PCSK9: variants seen among roughly 807,000 people sequenced by gnomAD.
The protein encoded by PCSK9 is proprotein convertase subtilisin/kexin type 9, also known as convertase subtilisin/kexin type 9 preproprotein.
Under a neutral mutation model 62.1 loss-of-function variants are expected in PCSK9, and 57 were observed. The observed-to-expected ratio is 0.92, with a 90% CI of 0.74 to 1.14. PCSK9 has a LOEUF of 1.14. PCSK9 is among the 50% of genes most tolerant of loss of function. PCSK9 has a pLI of 0.00. For synonymous variants in PCSK9, 387 were observed against 409.4 expected (o/e 0.95, Z 0.66); for missense variants, 870 against 959.8 (o/e 0.91, Z 1.24).
At chr1:55,047,239 C>T (rs1444653837) in intron 3 of PCSK9, among the ~76,000 whole-genome samples, 1 of 152,206 alleles carries the variant, frequency 6.6e-6, no homozygotes, top group Non-Finnish European at 1.5e-5. Context: ...GGTCTGCATT[C>T]TAGCAGGGAC....
At chr1:55,045,678 G>A (rs563099655) in intron 2 of PCSK9, among the ~76,000 whole-genome samples, 1 of 151,560 alleles carries the variant, frequency 6.6e-6, no homozygotes, top group African/African-American at 2.4e-5. Context: ...AGGTAGGGAG[G>A]GAGTGGGGCA....
chr1:55,056,314 C>T (rs999745532), intron 6 of PCSK9, 125 bp downstream of exon 6: 2 of 1,117,056 alleles, frequency 1.8e-6, no homozygotes, highest in East Asian at 2.9e-5. Flanking sequence ...TCCTGGAGGC[C>T]GAACCCTTCT....
chr1:55,064,227 A>G lies in PCSK9; in HGVS notation c.*643A>G, dbSNP rs1644784485. The G allele has an allele frequency of 6.5e-6, 1 of 153,230 alleles. No homozygotes were observed. Among genetic ancestry groups the G allele is most frequent in the Non-Finnish European group, 1.5e-5 (1 of 68,816 alleles). The allele number at this position is 153,230 out of a possible 1,614,324, so 9.5% of individuals were successfully genotyped here. On this transcript the variant is annotated 3_prime_UTR_variant, in exon 12 of 12. Coordinates refer to ENST00000302118, the MANE Select transcript of PCSK9 (RefSeq NM_174936.4). ...ACTCTGCTCTATGCCAGGCTGTGCT[A>G]GCAACACCCAAAGGTGGCCTGCGGG...
rs949287361 is a variant in PCSK9, at chr1:55,040,828, C to T, written c.207+784C>T. On this transcript the variant is annotated intron_variant, in intron 1 of 11. Coordinates refer to ENST00000302118, the MANE Select transcript of PCSK9 (RefSeq NM_174936.4). The surrounding 1 kb of genome is among the most constrained non-coding windows in gnomAD (Gnocchi z 4.1). ...TCAGCCCACCTGGCTGTCTGCCGAC[C>T]GTGTGCGGGGCGAGTTTGCTCAACA... Among the ~76,000 whole-genome samples the T allele has an allele frequency of 8.5e-5, 13 of 152,204 alleles. No individual in the cohort carries two copies. The highest frequency in any genetic ancestry group is 1.8e-4 in the Non-Finnish European group (12 of 68,036).
intron 4 of PCSK9, 91 bp downstream of exon 4, chr1:55,052,502 G>T (rs886039845): frequency 6.4e-7 from 1 of 1,573,922 alleles, no homozygotes; most frequent in African/African-American, 1.4e-5. Flanking sequence ...CGTTGCAGCT[G>T]TACTCCTGGG....
Position 55,064,087 on chromosome 1 carries a change from T to TG in PCSK9, c.*508dup. The TG allele has an allele frequency of 6.4e-6, 1 of 157,244 alleles. No individual in the cohort carries two copies. Among genetic ancestry groups the TG allele is most frequent in the South Asian group, 2.0e-4 (1 of 5,090 alleles). The allele number at this position is 157,244 out of a possible 1,614,324, so 9.7% of individuals were successfully genotyped here. A position where few individuals can be genotyped will look rare whatever the true frequency, so the allele number is the denominator to read the frequency against. On this transcript the variant is annotated 3_prime_UTR_variant, in exon 12 of 12. Coordinates refer to ENST00000302118, the MANE Select transcript of PCSK9 (RefSeq NM_174936.4). ...CTCCAGCTAACTGTGGAGAAGCCCC[T>TG]GGGGGCTCCCTGATTAATGGAGGCT...
intron 11 of PCSK9, among the ~76,000 whole-genome samples, chr1:55,062,957 A>C (rs1644773277): frequency 6.6e-6 from 1 of 151,884 alleles, no homozygotes; most frequent in Non-Finnish European, 1.5e-5. Flanking sequence ...CTGGAGTCTG[A>C]AGGGAGCCTG....
chr1:55,058,666 C>CGTGTGTGT lies in PCSK9; in HGVS notation c.1503+64_1503+71dup, dbSNP rs35115360. The CGTGTGTGT allele has an allele frequency of 4.2e-4, 649 of 1,534,922 alleles. 1 individual carries two copies. Among genetic ancestry groups the CGTGTGTGT allele is most frequent in the Admixed American group, 5.0e-4 (27 of 54,146 alleles). On this transcript the variant is annotated intron_variant, in intron 9 of 11. Transcript: ENST00000302118. ...CATGGAGGTGACTGTACCCCTCCTT[C>CGTGTGTGT]GTGTGTGTGTGTGTGTGTGTGTGTG...
intron 9 of PCSK9, 50 bp downstream of exon 9, chr1:55,058,697 G>GTGTGTGTGTGTGTGTA (rs780748579): frequency 5.2e-6 from 8 of 1,551,190 alleles, no homozygotes; most frequent in South Asian, 1.2e-5. Flanking sequence ...GTGTGTGTGT[G>GTGTGTGTGTGTGTGTA]TGTGTGTGTG....
chr1:55,057,654 A>C, intron 7 of PCSK9, 140 bp downstream of exon 7: 2 of 1,100,354 alleles, frequency 1.8e-6, no homozygotes, highest in Non-Finnish European at 2.7e-6. Context: ...CTTCAAGGAC[A>C]CTCAGTCTGA....
intron 7 of PCSK9, 130 bp from the exon 8 acceptor site, chr1:55,057,906 G>A: frequency 7.4e-7 from 1 of 1,345,326 alleles, no homozygotes; most frequent in Non-Finnish European, 1.1e-6. Flanking sequence ...TTACCTTCGA[G>A]AAGAGAGCTT....
At position 55,061,505 on chromosome 1, in the gene PCSK9, A is replaced by C. The variant is rs777190873; in HGVS notation, c.1812A>C (p.Pro604=). 6.9e-6 allele frequency: 11 copies of C among 1,605,296 alleles called. No homozygotes were observed. The highest frequency in any genetic ancestry group is 3.3e-4 in the Middle Eastern group (2 of 6,072). The change falls in exon 11 of 12, where the codon CCA becomes CCC. Residue 604 remains proline, a synonymous_variant. Coordinates refer to ENST00000302118, the MANE Select transcript of PCSK9 (RefSeq NM_174936.4). The stretch of plus-strand genomic sequence containing the variant: ...TCCACGCTTCCTGCTGCCATGCCCC[A>C]GGTCTGGAATGCAAAGTCAAGGAGC... The part of the protein sequence containing the change: ...ASIHASCCHA[P]GLECKVKEHG...
chr1:55,047,064 A>G (rs1404695406), intron 3 of PCSK9, among the ~76,000 whole-genome samples: 4 of 151,748 alleles, frequency 2.6e-5, no homozygotes, highest in African/African-American at 9.7e-5. Context: ...GCCTCTGCCT[A>G]CCTTCCTGTT....
chr1:55,058,752 C>T (rs1386452263), intron 9 of PCSK9, 105 bp downstream of exon 9: 1 of 1,536,962 alleles, frequency 6.5e-7, no homozygotes, highest in African/African-American at 1.4e-5. Context: ...CCAGCAAGCC[C>T]CTCCATCCTC....
chr1:55,042,471 CT>C (rs1644604297), intron 1 of PCSK9, among the ~76,000 whole-genome samples: 1 of 152,236 alleles, frequency 6.6e-6, no homozygotes, highest in South Asian at 2.1e-4. Flanking sequence ...TTGCCCATTA[CT>C]GCCTTTCTAA....
At chr1:55,046,713 G>T in intron 3 of PCSK9, 67 bp downstream of exon 3, 1 of 1,588,020 alleles carries the variant, frequency 6.3e-7, no homozygotes, top group East Asian at 2.2e-5. Context: ...GCCCTGGCCT[G>T]GCCTCCCTGC....
At chr1:55,056,444 GCGCCTACGTAGCCACGCCCCCACA>G (rs1294211274) in intron 6 of PCSK9, among the ~76,000 whole-genome samples, 1 of 152,146 alleles carries the variant, frequency 6.6e-6, no homozygotes, top group African/African-American at 2.4e-5. Context: ...CCACGTAGCG[GCGCCTACGTAGCCACGCCCCCACA>G]CCCCGTCCTG....
At position 55,057,439 on chromosome 1, in the gene PCSK9, A is replaced by T. The variant is rs1441761388; in HGVS notation, c.1105A>T (p.Ile369Phe). The T allele has an allele frequency of 1.2e-6, 2 of 1,614,080 alleles. No individual in the cohort carries two copies. Among genetic ancestry groups the T allele is most frequent in the South Asian group, 2.2e-5 (2 of 91,078 alleles). Reference protein sequence around the residue: ...VDLFAPGEDIIGASSDCSTCF... With the variant: ...VDLFAPGEDIFGASSDCSTCF... The stretch of plus-strand genomic sequence containing the variant: ...CCTCTTTGCCCCAGGGGAGGACATC[A>T]TTGGTGCCTCCAGCGACTGCAGCAC... Residue 369 changes from isoleucine to phenylalanine, a missense_variant, in exon 7 of 12, where the codon ATT (isoleucine) becomes TTT (phenylalanine). Coordinates refer to ENST00000302118, the MANE Select transcript of PCSK9 (RefSeq NM_174936.4).
intron 5 of PCSK9, among the ~76,000 whole-genome samples, chr1:55,055,399 AG>A (rs1243869624): frequency 2.0e-5 from 3 of 152,162 alleles, no homozygotes; most frequent in Admixed American, 1.3e-4. Context: ...TTTCATGGAA[AG>A]GGATAATAAG....
Sources: allele counts gnomAD v4.1 joint callset (sites outside exome capture counted in the v4.1 genomes callset), GRCh38; gene constraint gnomAD v4.1.1; non-coding constraint Gnocchi (gnomAD v3.1); transcripts MANE v1.5; gene names NCBI Gene and HGNC (gene_info 2026-07-23, HGNC 2026-07-21).